CASP10: variants seen among roughly 807,000 people sequenced by gnomAD.
CASP10 encodes the protein caspase 10.
CASP10 carries 41 observed loss-of-function variants against 48.5 expected under a neutral mutation model. That is an observed-to-expected ratio of 0.85 (90% CI 0.66 to 1.10). The LOEUF (loss-of-function observed/expected upper bound fraction) is 1.10. CASP10 is among the 50% of genes least tolerant of loss of function. CASP10 has a pLI of 0.00. For synonymous variants in CASP10, 232 were observed against 238.4 expected, an observed-to-expected ratio of 0.97 and a Z score of 0.25; for missense variants, 614 against 614.5, an observed-to-expected ratio of 1.00 and a Z score of 0.01.
At chr2:201,197,902 T>C (rs1308130563) in intron 5 of CASP10, among the ~76,000 whole-genome samples, 1 of 152,222 alleles carries the variant, frequency 6.6e-6, no homozygotes, top group African/African-American at 2.4e-5. Context: ...TATATAGTCA[T>C]TCTATTTTCA....
rs1045800860 is a variant in CASP10, at chr2:201,183,226, T to G, written c.-90T>G. 7.2e-5 allele frequency: 11 copies of G among 152,220 alleles called. No homozygotes were observed. The highest frequency in any genetic ancestry group is 1.3e-4 in the Admixed American group (2 of 15,286). The allele number at this position is 152,220 out of a possible 1,614,324, so 9.4% of individuals were successfully genotyped here. ...TTGGACCTTGGAGCACACAGAGGAT[T>G]CTACTTTCTTTAAAACTTTGTTTTC... On this transcript the variant is annotated 5_prime_UTR_variant, in exon 1 of 10. The change creates a new upstream start codon in the 5' untranslated region. Transcript: ENST00000286186.
intron 9 of CASP10, chr2:201,213,419 T>A (rs1389522928): frequency 6.6e-6 from 1 of 152,188 alleles, no homozygotes; most frequent in East Asian, 1.9e-4. Context: ...GTGTTCCTTG[T>A]TGTGTTGTGA....
Position 201,220,796 on chromosome 2 carries a change from A to T in CASP10, c.*3055A>T. The T allele has an allele frequency of 1.0e-6, 1 of 985,390 alleles. No homozygotes were observed. The highest frequency in any genetic ancestry group is 1.2e-6 in the Non-Finnish European group (1 of 829,934). 61.0% of individuals were successfully genotyped at this position (985,390 alleles called of 1,614,324 possible). On this transcript the variant is annotated 3_prime_UTR_variant, in exon 10 of 10. Coordinates refer to ENST00000286186, the MANE Select transcript of CASP10 (RefSeq NM_032977.4). ...TTCATAACAGTCAGGGCCAAAAGCTAGTGGTCACAGTCCTTGTCCAGTTGG... is the reference window on the plus strand; with the variant it reads ...TTCATAACAGTCAGGGCCAAAAGCTTGTGGTCACAGTCCTTGTCCAGTTGG...
intron 1 of CASP10, among the ~76,000 whole-genome samples, chr2:201,185,352 C>G (rs568816958): frequency 6.6e-6 from 1 of 152,118 alleles, no homozygotes; most frequent in African/African-American, 2.4e-5. Context: ...ACCCTGCCTC[C>G]CCCAGATTGC....
In CASP10 at chr2:201,229,000, C is replaced by T. The variant is rs1559320416; in HGVS notation, c.1483C>T (p.Gln495Ter). The T allele has an allele frequency of 3.1e-6, 5 of 1,614,140 alleles. No homozygotes were observed. The highest frequency in any genetic ancestry group is 4.2e-6 in the Non-Finnish European group (5 of 1,179,978). The change falls in exon 10 of 10, where the codon CAG (glutamine) becomes TAG (stop). Residue 495 changes from glutamine (Q) to a stop codon, truncating the protein, a stop_gained. Coordinates refer to the CASP10 transcript ENST00000272879. LOFTEE classifies it low-confidence loss of function (END_TRUNC). ...GAAGAGAACAGTGTGGGGTGCTAAA[C>T]AGATCTCAGCAACCTCCCTGCCCAC... is the stretch of plus-strand genomic sequence containing the variant.
downstream of CASP10, among the ~76,000 whole-genome samples, chr2:201,226,425 G>A (rs1945788934): frequency 6.6e-6 from 1 of 152,166 alleles, no homozygotes; most frequent in African/African-American, 2.4e-5. Context: ...TTGGAAATTT[G>A]CACACAGTAA....
intron 5 of CASP10, among the ~76,000 whole-genome samples, chr2:201,197,189 C>T (rs915456015): frequency 1.3e-5 from 2 of 151,706 alleles, no homozygotes; most frequent in African/African-American, 4.8e-5. Flanking sequence ...GTTGCCCAGG[C>T]TGGTCTCAAA....
At position 201,196,035 on chromosome 2, in the gene CASP10, G is replaced by A. The variant is rs41354945; in HGVS notation, c.684+87G>A. 361 of 864,386 alleles carry A rather than the reference G, an allele frequency of 4.2e-4. 4 individuals carry two copies. In the African/African-American group the frequency reaches 5.4e-3, roughly 13 times the overall value. 53.5% of individuals were successfully genotyped at this position (864,386 alleles called of 1,614,324 possible). On this transcript the variant is annotated intron_variant, in intron 5 of 9. Coordinates refer to ENST00000286186, the MANE Select transcript of CASP10 (RefSeq NM_032977.4). ...CCTGCCACCCCAAAAAAGAAAAAGA[G>A]AGAGAGGCCCCGGTTTGTACCATTT... is the stretch of plus-strand genomic sequence containing the variant.
At position 201,192,989 on chromosome 2, in the gene CASP10, C is replaced by A; in HGVS notation, c.447C>A (p.Ser149=). The A allele has an allele frequency of 6.2e-7, 1 of 1,613,210 alleles. No homozygotes were observed. Among genetic ancestry groups the A allele is most frequent in the South Asian group, 1.1e-5 (1 of 91,036 alleles). Residue 149 remains serine (S), a synonymous_variant, in exon 4 of 10, where the codon TCC becomes TCA. Transcript: ENST00000286186. ...CTCTATTGATTCTCTTGTAGACCTC[C>A]CTAAGTTTCCTGGCATTTCTAGAGA... ...KDSLPKTEMT[S]LSFLAFLEKQ...
In CASP10 at chr2:201,218,606, G is replaced by A. The variant is rs1056595967; in HGVS notation, c.*865G>A. The stretch of plus-strand genomic sequence containing the variant: ...CATGAAATACTGTGCCTGGCCTGGG[G>A]ACCAGGTGCATTTTAAGGTTCCTTG... On this transcript the variant is annotated 3_prime_UTR_variant, in exon 10 of 10. Coordinates refer to ENST00000286186, the MANE Select transcript of CASP10 (RefSeq NM_032977.4). The A allele has an allele frequency of 1.1e-5, 11 of 985,276 alleles. No homozygotes were observed. The African/African-American group carries it at 1.9e-4, about 17-fold the overall frequency. The allele number at this position is 985,276 out of a possible 1,614,324, so 61.0% of individuals were successfully genotyped here.
At chr2:201,204,072 GC>G (rs1945121189) in intron 6 of CASP10, among the ~76,000 whole-genome samples, 1 of 152,170 alleles carries the variant, frequency 6.6e-6, no homozygotes, top group African/African-American at 2.4e-5. Context: ...AGCAGAAACA[GC>G]CCCCGCAGGG....
downstream of CASP10, among the ~76,000 whole-genome samples, chr2:201,223,689 G>A (rs1945752884): frequency 6.6e-6 from 1 of 152,162 alleles, no homozygotes; most frequent in Non-Finnish European, 1.5e-5. Context: ...TTTCTGTTAG[G>A]GTTTCAGTTT....
chr2:201,216,139 G>A (rs1054874991), intron 9 of CASP10, among the ~76,000 whole-genome samples: 1 of 150,246 alleles, frequency 6.7e-6, no homozygotes, highest in African/African-American at 2.4e-5. Flanking sequence ...TATTTTAATT[G>A]TTTAATATTT....
At position 201,193,102 on chromosome 2, in the gene CASP10, A is replaced by T; in HGVS notation, c.560A>T (p.Lys187Ile). ...VVPKLLRNIE[K>I]YKREKAIQIV... Reference sequence around the variant, plus strand: ...CCTAAACTTTTGAGAAACATAGAGAAATACAAAAGAGAGAAAGGTAAGTAG... The same window carrying T: ...CCTAAACTTTTGAGAAACATAGAGATATACAAAAGAGAGAAAGGTAAGTAG... The change falls in exon 4 of 10, where the codon AAA (lysine) becomes ATA (isoleucine). Residue 187 changes from lysine to isoleucine, a missense_variant. Transcript: ENST00000286186. 1 of 1,613,834 alleles carries T rather than the reference A, an allele frequency of 6.2e-7. No homozygotes were observed. The highest frequency in any genetic ancestry group is 1.1e-5 in the South Asian group (1 of 91,072).
intron 9 of CASP10, among the ~76,000 whole-genome samples, chr2:201,210,149 G>A (rs911063512): frequency 4.6e-5 from 7 of 152,220 alleles, no homozygotes; most frequent in East Asian, 1.9e-4. Flanking sequence ...TCACTCTTAC[G>A]TCCTGAGCAC....
At chr2:201,207,911 A>G (rs2126045511) in intron 7 of CASP10, among the ~76,000 whole-genome samples, 164 bp from the exon 8 acceptor site, 1 of 152,308 alleles carries the variant, frequency 6.6e-6, no homozygotes, top group Non-Finnish European at 1.5e-5. Context: ...CAACAACAAC[A>G]GCAACAACAA....
intron 6 of CASP10, among the ~76,000 whole-genome samples, chr2:201,205,042 CTGTT>C (rs1001443201): frequency 1.3e-5 from 2 of 152,064 alleles, no homozygotes; most frequent in Non-Finnish European, 2.9e-5. Context: ...AAAAAGAAAA[CTGTT>C]TGATGTTACA....
exon 10 of CASP10, chr2:201,229,385 A>G (rs1945832145): frequency 2.2e-6 from 1 of 457,896 alleles, no homozygotes; most frequent in African/African-American, 2.0e-5. Flanking sequence ...TGAATTTCAC[A>G]CTGTCCCCCA....
At chr2:201,201,176 A>C (rs1945006359) in intron 5 of CASP10, among the ~76,000 whole-genome samples, 1 of 152,106 alleles carries the variant, frequency 6.6e-6, no homozygotes, top group African/African-American at 2.4e-5. Flanking sequence ...CAGCTTCCCT[A>C]GTAGCTGGGA....
Sources: allele counts gnomAD v4.1 joint callset (sites outside exome capture counted in the v4.1 genomes callset), GRCh38; gene constraint gnomAD v4.1.1; transcripts MANE v1.5; gene names NCBI Gene and HGNC (gene_info 2026-07-23, HGNC 2026-07-21).